ART3: variants seen among roughly 807,000 people sequenced by gnomAD.
ART3 encodes the protein ADP-ribosyltransferase 3 (inactive).
ART3 carries 49 observed loss-of-function variants against 48.5 expected under a neutral mutation model. The observed-to-expected ratio is 1.01, with a 90% CI of 0.80 to 1.28. The LOEUF is 1.28. Ranked by LOEUF, ART3 falls within the 50% of genes most tolerant of loss-of-function variation. The pLI, the probability that ART3 is intolerant of heterozygous loss-of-function variation, is 0.00. For missense variants in ART3, 438 were observed against 454.3 expected (o/e 0.96, Z 0.33); for synonymous variants, 145 against 157.2 (o/e 0.92, Z 0.58).
chr4:76,097,599 G>A, intron 3 of ART3, 45 bp from the exon 4 acceptor site: 2 of 1,472,908 alleles, frequency 1.4e-6, no homozygotes, highest in Non-Finnish European at 1.9e-6. Context: ...ATATTTACTA[G>A]GGTATATTAT....
At chr4:76,049,283 G>T (rs536095056) in intron 1 of ART3, among the ~76,000 whole-genome samples, 36 of 152,102 alleles carry the variant, frequency 2.4e-4, no homozygotes, top group Middle Eastern at 3.4e-3. Context: ...GAAGACAGGC[G>T]AGAGGAAGTT....
chr4:76,032,742 C>A (rs6532105), intron 1 of ART3, among the ~76,000 whole-genome samples: 92,272 of 151,192 alleles, frequency 0.61, 29,175 homozygotes, highest in East Asian at 0.94. Flanking sequence ...GTGCCAGCAG[C>A]CTCGGCTAAT....
chr4:76,049,833 GA>G (rs1231619864), intron 1 of ART3, among the ~76,000 whole-genome samples: 1 of 151,984 alleles, frequency 6.6e-6, no homozygotes, highest in Admixed American at 6.6e-5. Flanking sequence ...CTGACTTCAA[GA>G]ATGAAGCCGC....
At chr4:76,039,456 A>G (rs1734749750) in intron 1 of ART3, among the ~76,000 whole-genome samples, 1 of 152,242 alleles carries the variant, frequency 6.6e-6, no homozygotes, top group South Asian at 2.1e-4. Context: ...GAATTGGCAT[A>G]CCACATCTAG....
At chr4:76,066,983 T>A (rs1719801501) in intron 1 of ART3, among the ~76,000 whole-genome samples, 1 of 152,146 alleles carries the variant, frequency 6.6e-6, no homozygotes, top group African/African-American at 2.4e-5. Flanking sequence ...TGCCATAGTT[T>A]GGGCAGTTGC....
intron 1 of ART3, among the ~76,000 whole-genome samples, chr4:76,040,448 A>ACACG (rs766890498): frequency 0.048 from 7,020 of 146,350 alleles, 591 homozygotes; most frequent in African/African-American, 0.15. Context: ...ACACACACAC[A>ACACG]CACACACACA....
At chr4:76,049,869 C>G (rs1242436186) in intron 1 of ART3, among the ~76,000 whole-genome samples, 1 of 151,966 alleles carries the variant, frequency 6.6e-6, no homozygotes, top group Non-Finnish European at 1.5e-5. Flanking sequence ...AGTGTTACAG[C>G]TCTTAAGGTG....
At chr4:76,043,625 C>T (rs1229321528) in intron 1 of ART3, among the ~76,000 whole-genome samples, 2 of 152,094 alleles carry the variant, frequency 1.3e-5, no homozygotes, top group South Asian at 2.1e-4. Flanking sequence ...TCCAGCTGGC[C>T]CACAAGCGCT....
chr4:76,104,593 T>A lies in ART3; in HGVS notation c.971-4T>A. The stretch of plus-strand genomic sequence containing the variant: ...AAGTCATTGGAAACTTCCTTCTCAT[T>A]TAGGAATGAAAATTCCAGAACCTTT... On this transcript the variant is annotated splice_region_variant and splice_polypyrimidine_tract_variant and intron_variant, in intron 9 of 11. Transcript: ENST00000355810. 6.4e-7 allele frequency: 1 copy of A among 1,551,544 alleles called. No individual in the cohort carries two copies.
At chr4:76,051,309 T>A (rs72653662) in intron 1 of ART3, among the ~76,000 whole-genome samples, 1 of 151,634 alleles carries the variant, frequency 6.6e-6, no homozygotes, top group African/African-American at 2.4e-5. Flanking sequence ...GATTTTTTTT[T>A]AAGAGTTCTT....
At chr4:76,029,107 A>G (rs1437157616) in intron 1 of ART3, among the ~76,000 whole-genome samples, 1 of 152,222 alleles carries the variant, frequency 6.6e-6, no homozygotes, top group Non-Finnish European at 1.5e-5. Context: ...AAATCTTTAG[A>G]AAATGTCTAG....
chr4:76,043,212 A>G (rs1005254216), intron 1 of ART3, among the ~76,000 whole-genome samples: 4 of 152,080 alleles, frequency 2.6e-5, no homozygotes, highest in African/African-American at 9.7e-5. Context: ...CACCAGACTC[A>G]GGAGCCCAGC....
intron 1 of ART3, among the ~76,000 whole-genome samples, chr4:76,039,490 A>AT (rs1177818155): frequency 1.3e-5 from 2 of 152,254 alleles, no homozygotes; most frequent in Non-Finnish European, 2.9e-5. Flanking sequence ...GTTTTTCAGC[A>AT]TTAACACAAA....
intron 1 of ART3, among the ~76,000 whole-genome samples, chr4:76,043,927 TA>T (rs1280885487): frequency 2.6e-5 from 4 of 151,930 alleles, no homozygotes; most frequent in African/African-American, 7.2e-5. Context: ...TCCTGCTGGA[TA>T]GGGGTGAAGA....
rs201750512 is a variant in ART3, at chr4:76,068,567, G to A, written c.-9-7314G>A. On this transcript the variant is annotated intron_variant, in intron 1 of 9. Coordinates refer to the ART3 transcript ENST00000341029. ...CACATGTTACCACTTGTAAGTGGAA[G>A]CCAAATCATGAGAACACATGGACAC... is the stretch of plus-strand genomic sequence containing the variant. Among the ~76,000 whole-genome samples the A allele has an allele frequency of 5.3e-5, 8 of 152,192 alleles. No individual in the cohort carries two copies. The East Asian group carries it at 1.4e-3, about 26-fold the overall frequency.
intron 1 of ART3, among the ~76,000 whole-genome samples, chr4:76,014,498 T>C (rs1732081910): frequency 6.6e-6 from 1 of 151,960 alleles, no homozygotes; most frequent in South Asian, 2.1e-4. Flanking sequence ...TTTTCAAGGC[T>C]GAGAAGTAGA....
At chr4:76,016,934 T>C (rs1202610268) in intron 1 of ART3, among the ~76,000 whole-genome samples, 1 of 151,956 alleles carries the variant, frequency 6.6e-6, no homozygotes, top group African/African-American at 2.4e-5. Context: ...AGTCTGCTTA[T>C]GGTGAATGCT....
At chr4:76,033,549 CA>C (rs1334598141) in intron 1 of ART3, 1 of 152,146 alleles carries the variant, frequency 6.6e-6, no homozygotes, top group Non-Finnish European at 1.5e-5. Flanking sequence ...ACAAAAGAAA[CA>C]ACTGTCTTTC....
intron 1 of ART3, among the ~76,000 whole-genome samples, chr4:76,019,228 G>A (rs7670789): frequency 0.61 from 92,545 of 151,256 alleles, 29,370 homozygotes; most frequent in East Asian, 0.94. Context: ...GAAAAGTAGA[G>A]TAATTACAGA....
Sources: gnomAD v4.1 joint callset for allele counts (sites outside exome capture counted in the v4.1 genomes callset) on GRCh38, gnomAD v4.1.1 for gene constraint, MANE v1.5 for transcripts, NCBI Gene and HGNC (gene_info 2026-07-23, HGNC 2026-07-21) for gene names.